The following ZNF536 variants were observed in gnomAD, a reference collection of about 807,000 sequenced individuals.
ZNF536 encodes zinc finger protein 536.
ZNF536 carries 13 observed loss-of-function variants against 84.5 expected under a neutral mutation model. The ratio of observed to expected loss-of-function variants is 0.15; its 90% confidence interval spans 0.10 to 0.24. The LOEUF is 0.24. Ranked by LOEUF, ZNF536 falls within the 10% of genes least tolerant of loss-of-function variation. The probability of loss-of-function intolerance (pLI) is 1.00; values close to 1 mark genes in which losing one functional copy is unlikely to be tolerated. For missense variants in ZNF536, 1,536 were observed against 1,747.5 expected, an observed-to-expected ratio of 0.88 and a Z score of 2.16; for synonymous variants, 811 against 742.5, an observed-to-expected ratio of 1.09 and a Z score of -1.50.
intron 1 of ZNF536, among the ~76,000 whole-genome samples, chr19:30,582,587 T>C (rs1164280379): frequency 6.6e-6 from 1 of 151,978 alleles, no homozygotes; most frequent in East Asian, 1.9e-4. Flanking sequence ...GACGATGTAT[T>C]AGTCTGTTCT....
chr19:30,519,433 G>A (rs902130997), intron 2 of ZNF536, among the ~76,000 whole-genome samples: 1 of 152,176 alleles, frequency 6.6e-6, no homozygotes, highest in African/African-American at 2.4e-5. Context: ...CTGGCAGTGG[G>A]AGCCCTGCAC....
intron 1 of ZNF536, among the ~76,000 whole-genome samples, chr19:30,566,139 G>T (rs1036091433): frequency 1.3e-5 from 2 of 152,182 alleles, no homozygotes; most frequent in Admixed American, 1.3e-4. Context: ...GCCTAGAGGA[G>T]AACTCAGTCA....
intron 2 of ZNF536, among the ~76,000 whole-genome samples, chr19:30,519,428 A>G (rs1331839329): frequency 6.6e-6 from 1 of 152,202 alleles, no homozygotes; most frequent in African/African-American, 2.4e-5. Context: ...GTGCTCTGGC[A>G]GTGGGAGCCC....
chr19:30,460,242 G>A (rs774041306), intron 2 of ZNF536, among the ~76,000 whole-genome samples: 3 of 152,252 alleles, frequency 2.0e-5, no homozygotes, highest in Non-Finnish European at 2.9e-5. Context: ...CCTTGGAGGA[G>A]TGGGAAAGAG....
At chr19:30,712,009 A>G (rs2052468703) in exon 2 of ZNF536, 1 of 152,066 alleles carries the variant, frequency 6.6e-6, no homozygotes, top group Non-Finnish European at 1.5e-5. Flanking sequence ...ACAGACATGA[A>G]GCAAGATTTT....
At chr19:30,370,749 A>G (rs1568365564), upstream of ZNF536, among the ~76,000 whole-genome samples, 1 of 152,206 alleles carries the variant, frequency 6.6e-6, no homozygotes, top group Non-Finnish European at 1.5e-5. Flanking sequence ...TAAAAAGTGT[A>G]AAAAAATGAT....
intron 1 of ZNF536, among the ~76,000 whole-genome samples, chr19:30,629,588 C>T (rs1352676454): frequency 6.6e-6 from 1 of 152,218 alleles, no homozygotes; most frequent in African/African-American, 2.4e-5. Flanking sequence ...TCAGAGAGAT[C>T]AAGTAATGCT....
At chr19:30,324,173 C>T (rs1347124314) in intron 2 of ZNF536, among the ~76,000 whole-genome samples, 1 of 152,060 alleles carries the variant, frequency 6.6e-6, no homozygotes, top group African/African-American at 2.4e-5. Context: ...ATCCATTCAT[C>T]ATCATCCATT....
chr19:30,499,485 T>C (rs1000536975), intron 2 of ZNF536, among the ~76,000 whole-genome samples: 6 of 152,228 alleles, frequency 3.9e-5, no homozygotes, highest in African/African-American at 1.4e-4. Flanking sequence ...GGTATCTATA[T>C]GTATATCTAC....
Position 30,444,911 on chromosome 19 carries a change from G to A in ZNF536, c.1349G>A (p.Ser450Asn), listed in dbSNP as rs1458538536. The change falls in exon 2 of 5, where the codon AGC becomes AAC. Residue 450 changes from serine to asparagine, a missense_variant. Coordinates refer to ENST00000355537, the MANE Select transcript of ZNF536 (RefSeq NM_014717.3). ...TPDKAGLSEPSQLYGKGELPM... is the reference protein window; with the variant it reads ...TPDKAGLSEPNQLYGKGELPM... Reference sequence around the variant, plus strand: ...GACAAAGCCGGCCTGAGCGAGCCCAGCCAGCTCTATGGCAAGGGCGAGCTG... The same window carrying A: ...GACAAAGCCGGCCTGAGCGAGCCCAACCAGCTCTATGGCAAGGGCGAGCTG... The A allele has an allele frequency of 1.9e-6, 3 of 1,611,070 alleles. 1 individual carries two copies. In the African/African-American group the frequency reaches 4.0e-5, roughly 22 times the overall value.
At chr19:30,426,866 G>T (rs1424759467) in intron 1 of ZNF536, among the ~76,000 whole-genome samples, 1 of 152,140 alleles carries the variant, frequency 6.6e-6, no homozygotes, top group African/African-American at 2.4e-5. Flanking sequence ...AGAGGTGAGG[G>T]CATTCAATAA....
intron 1 of ZNF536, among the ~76,000 whole-genome samples, chr19:30,651,619 C>T (rs2049710402): frequency 6.6e-6 from 1 of 152,150 alleles, no homozygotes; most frequent in Non-Finnish European, 1.5e-5. Context: ...CAAAAGAAAA[C>T]TTCCTCAGAA....
chr19:30,485,443 G>A (rs1471413063), intron 2 of ZNF536, among the ~76,000 whole-genome samples: 3 of 152,134 alleles, frequency 2.0e-5, no homozygotes, highest in African/African-American at 7.2e-5. Context: ...GCAACCTTTA[G>A]CTAGCAACTC....
rs753985257 is a variant in ZNF536, at chr19:30,549,229, G to A, written c.3610G>A (p.Asp1204Asn). 1.2e-5 allele frequency: 19 copies of A among 1,614,054 alleles called. No individual in the cohort carries two copies. The highest frequency in any genetic ancestry group is 1.2e-4 in the Admixed American group (7 of 60,036). Reference protein sequence around the residue: ...LSALSKDSSSDGGDSLQPTGT... With the variant: ...LSALSKDSSSNGGDSLQPTGT... ...TGCCCTCAGCAAAGACAGCAGCAGC[G>A]ATGGCGGGGACAGCCTGCAGCCCAC... Residue 1204 changes from aspartate (D) to asparagine (N), a missense_variant, in exon 4 of 5, where the codon GAT becomes AAT. By Grantham distance (23) the Asp-to-Asn change is conservative. This residue lies in a region of ZNF536 where 624 missense variants were observed against 603.1 expected (regional missense o/e 1.03). Coordinates refer to ENST00000355537, the MANE Select transcript of ZNF536 (RefSeq NM_014717.3).
chr19:30,568,687 C>T (rs1304637546), intron 1 of ZNF536, among the ~76,000 whole-genome samples: 2 of 152,212 alleles, frequency 1.3e-5, no homozygotes, highest in African/African-American at 4.8e-5. Flanking sequence ...GGGACGTCAG[C>T]CTGGCTGGGG....
intron 2 of ZNF536, among the ~76,000 whole-genome samples, chr19:30,470,097 G>A (rs796106260): frequency 4.6e-5 from 7 of 152,370 alleles, no homozygotes; most frequent in Admixed American, 1.3e-4. Flanking sequence ...TCCTGAGGGA[G>A]GGGTTTGGGG....
intron 1 of ZNF536, among the ~76,000 whole-genome samples, chr19:30,248,471 T>TG (rs2024422411): frequency 2.6e-5 from 4 of 151,338 alleles, no homozygotes; most frequent in Admixed American, 2.6e-4. Flanking sequence ...CTCGCACTTC[T>TG]GGCCTCAAGT....
chr19:30,300,594 C>T (rs976134577), intron 2 of ZNF536: 1 of 152,162 alleles, frequency 6.6e-6, no homozygotes, highest in African/African-American at 2.4e-5. Context: ...TCATTTTTCC[C>T]AACTGAGGGG....
intron 2 of ZNF536, among the ~76,000 whole-genome samples, chr19:30,452,554 A>G (rs1055911740): frequency 6.6e-6 from 1 of 152,194 alleles, no homozygotes; most frequent in Non-Finnish European, 1.5e-5. Context: ...GACCGTGGGT[A>G]TACTTGGAGA....
Sources: allele counts gnomAD v4.1 joint callset (sites outside exome capture counted in the v4.1 genomes callset), GRCh38; gene constraint gnomAD v4.1.1; regional missense constraint gnomAD v4.1.1; transcripts MANE v1.5; gene names NCBI Gene and HGNC (gene_info 2026-07-23, HGNC 2026-07-21).